PRDM5: variants seen among roughly 807,000 people sequenced by gnomAD.
PRDM5 encodes the protein PR/SET domain 5, also known as PR domain zinc finger protein 5.
Under a neutral mutation model 81.2 loss-of-function variants are expected in PRDM5, and 56 were observed. That is an observed-to-expected ratio of 0.69 (90% CI 0.56 to 0.86). PRDM5 has a LOEUF of 0.86. PRDM5 is among the 40% of genes least tolerant of loss of function. The pLI is 0.00. For synonymous variants in PRDM5, 267 were observed against 256.4 expected, an observed-to-expected ratio of 1.04 and a Z score of -0.39; for missense variants, 697 against 770.1, an observed-to-expected ratio of 0.91 and a Z score of 1.12.
At chr4:120,816,636 A>G in intron 6 of PRDM5, 62 bp from the exon 7 acceptor site, 1 of 1,606,688 alleles carries the variant, frequency 6.2e-7, no homozygotes, top group Non-Finnish European at 8.5e-7. Flanking sequence ...ACAAAACTCA[A>G]ACATCAGCAA....
In PRDM5 at chr4:120,798,251, T is replaced by G; in HGVS notation, c.1188+16A>C. On this transcript the variant is annotated intron_variant, in intron 10 of 15. Coordinates refer to ENST00000264808, the MANE Select transcript of PRDM5 (RefSeq NM_018699.4). ...GCAAATTCATAAAAAATAATAATAA[T>G]ATTAATAAGTTTTACCTTCTTATGA... is the stretch of plus-strand genomic sequence containing the variant. 6.8e-7 allele frequency: 1 copy of G among 1,480,050 alleles called. No homozygotes were observed. Among genetic ancestry groups the G allele is most frequent in the Non-Finnish European group, 9.1e-7 (1 of 1,102,408 alleles). The allele number at this position is 1,480,050 out of a possible 1,614,324, so 91.7% of individuals were successfully genotyped here.
At chr4:120,891,919 T>G (rs1764093464) in intron 2 of PRDM5, among the ~76,000 whole-genome samples, 1 of 152,194 alleles carries the variant, frequency 6.6e-6, no homozygotes, top group Non-Finnish European at 1.5e-5. Context: ...CATGAGCCAC[T>G]TTCTAACTTT....
At chr4:120,890,186 C>T (rs751794437) in intron 2 of PRDM5, among the ~76,000 whole-genome samples, 8 of 152,074 alleles carry the variant, frequency 5.3e-5, no homozygotes, top group Non-Finnish European at 1.0e-4. Flanking sequence ...CTGGGGAGGC[C>T]TCAGGAAATG....
At chr4:120,752,628 C>A (rs1438660150) in intron 14 of PRDM5, among the ~76,000 whole-genome samples, 1 of 151,974 alleles carries the variant, frequency 6.6e-6, no homozygotes, top group Non-Finnish European at 1.5e-5. Flanking sequence ...CTGTAATTTG[C>A]TTAGTGTGGA....
chr4:120,901,349 A>G (rs1765202178), intron 2 of PRDM5, among the ~76,000 whole-genome samples: 1 of 152,252 alleles, frequency 6.6e-6, no homozygotes, highest in Non-Finnish European at 1.5e-5. Context: ...ATTTTGTAAT[A>G]TGCAATTTTC....
At chr4:120,749,469 G>C (rs893205002) in intron 14 of PRDM5, among the ~76,000 whole-genome samples, 2 of 152,132 alleles carry the variant, frequency 1.3e-5, no homozygotes, top group African/African-American at 4.8e-5. Flanking sequence ...GACAAGGTCC[G>C]AGGGTGGAGT....
chr4:120,922,066 T>C (rs1246843507), intron 1 of PRDM5, among the ~76,000 whole-genome samples: 2 of 152,178 alleles, frequency 1.3e-5, no homozygotes, highest in Non-Finnish European at 1.5e-5. Flanking sequence ...TCTAGCCACA[T>C]TAATTCATCC....
At position 120,692,231 on chromosome 4, in the gene PRDM5, GCTGTAAGACCTT is replaced by G. The variant is rs1734099934; in HGVS notation, c.*2868_*2879del. The G allele has an allele frequency of 3.3e-5, 5 of 152,108 alleles. No individual in the cohort carries two copies. In the South Asian group the frequency reaches 1.0e-3, roughly 32 times the overall value. 9.4% of individuals were successfully genotyped at this position (152,108 alleles called of 1,614,324 possible). ...CATAAAATCTAAAACAGAAACTAAG[GCTGTAAGACCTT>G]CTGTAATACATGTTCACACTCATGC... On this transcript the variant is annotated 3_prime_UTR_variant, in exon 16 of 16. Transcript: ENST00000264808.
chr4:120,884,482 T>C (rs1341254696), intron 2 of PRDM5, among the ~76,000 whole-genome samples: 1 of 152,188 alleles, frequency 6.6e-6, no homozygotes, highest in Non-Finnish European at 1.5e-5. Flanking sequence ...ATGCTTTCTA[T>C]GCTCCCCAAT....
chr4:120,798,512 A>G, intron 9 of PRDM5, 88 bp from the exon 10 acceptor site: 1 of 1,236,734 alleles, frequency 8.1e-7, no homozygotes, highest in Non-Finnish European at 1.1e-6. Context: ...ATTACTTCTT[A>G]CGGTAAGAAA....
intron 3 of PRDM5, chr4:120,837,451 G>T (rs1433376179): frequency 6.6e-6 from 1 of 152,114 alleles, no homozygotes; most frequent in African/African-American, 2.4e-5. Context: ...CAATAGCAAG[G>T]TGCAAAGTAT....
chr4:120,757,199 A>C (rs1744871267), intron 13 of PRDM5, among the ~76,000 whole-genome samples: 1 of 152,214 alleles, frequency 6.6e-6, no homozygotes, highest in Non-Finnish European at 1.5e-5. Context: ...CTACTGTTAT[A>C]ATATAGGAAT....
chr4:120,891,682 C>G (rs958764630), intron 2 of PRDM5, among the ~76,000 whole-genome samples: 1 of 152,036 alleles, frequency 6.6e-6, no homozygotes, highest in African/African-American at 2.4e-5. Flanking sequence ...CTGTGTCACC[C>G]AGAGTGACAC....
Position 120,904,322 on chromosome 4 carries a change from A to G in PRDM5, c.177+3152T>C, listed in dbSNP as rs553397486. Among the ~76,000 whole-genome samples the G allele has an allele frequency of 5.3e-5, 8 of 152,226 alleles. No homozygotes were observed. In the South Asian group the frequency reaches 1.7e-3, roughly 32 times the overall value. On this transcript the variant is annotated intron_variant, in intron 2 of 15. Transcript: ENST00000264808. ...GAAATGAAGACGAGACCAAGAGGAA[A>G]AAGAACCAGAAGGGGAGGGGGAAGG...
intron 15 of PRDM5, among the ~76,000 whole-genome samples, chr4:120,700,782 A>G (rs566597783): frequency 1.1e-4 from 16 of 152,334 alleles, no homozygotes; most frequent in African/African-American, 3.6e-4. Context: ...AGATAAATGC[A>G]TATCAAAACC....
chr4:120,887,379 C>A (rs970529167), intron 2 of PRDM5, among the ~76,000 whole-genome samples: 7 of 152,170 alleles, frequency 4.6e-5, no homozygotes, highest in Non-Finnish European at 7.4e-5. Flanking sequence ...CAAATCACTC[C>A]TTGACTACAG....
intron 13 of PRDM5, among the ~76,000 whole-genome samples, chr4:120,756,291 C>T (rs1744730133): frequency 6.6e-6 from 1 of 152,180 alleles, no homozygotes; most frequent in Non-Finnish European, 1.5e-5. Flanking sequence ...AATCAGTGTG[C>T]ATTGTTTTGA....
intron 13 of PRDM5, chr4:120,762,866 T>A (rs1170314631): frequency 6.6e-6 from 1 of 152,170 alleles, no homozygotes; most frequent in Non-Finnish European, 1.5e-5. Flanking sequence ...AAGGACACCA[T>A]CTTTGAAAGA....
At chr4:120,832,884 C>CTG (rs1476819783) in intron 3 of PRDM5, among the ~76,000 whole-genome samples, 2 of 152,102 alleles carry the variant, frequency 1.3e-5, no homozygotes, top group Non-Finnish European at 2.9e-5. Flanking sequence ...AGACAAGTAA[C>CTG]TGTGCTCCCT....
Sources: allele counts gnomAD v4.1 joint callset (sites outside exome capture counted in the v4.1 genomes callset), GRCh38; gene constraint gnomAD v4.1.1; transcripts MANE v1.5; gene names NCBI Gene and HGNC (gene_info 2026-07-23, HGNC 2026-07-21).